NOS1: variants seen among roughly 807,000 people sequenced by gnomAD.
The protein encoded by NOS1 is nitric oxide synthase 1.
Under a neutral mutation model 164.5 loss-of-function variants are expected in NOS1, and 51 were observed. The observed-to-expected ratio is 0.31, with a 90% CI of 0.25 to 0.39. The LOEUF is 0.39. NOS1 is among the 10% of genes least tolerant of loss of function. The pLI is 1.00. For missense variants in NOS1, 1,362 were observed against 1,885.6 expected (o/e 0.72, Z 5.14); for synonymous variants, 719 against 745.8 (o/e 0.96, Z 0.59).
chr12:117,235,164 C>T (rs946708090), intron 20 of NOS1, among the ~76,000 whole-genome samples: 1 of 152,054 alleles, frequency 6.6e-6, no homozygotes, highest in Non-Finnish European at 1.5e-5. Context: ...GCAATCTTCC[C>T]ACCTCGGCCT....
chr12:117,272,728 G>T lies in NOS1; in HGVS notation c.1665-169C>A, dbSNP rs1010356296. On this transcript the variant is annotated intron_variant, in intron 9 of 28. Coordinates refer to ENST00000317775, the MANE Select transcript of NOS1 (RefSeq NM_000620.5). The surrounding 1 kb of genome is among the most constrained non-coding windows in gnomAD (Gnocchi z 4.3). ...GGAATTGCAGGTTCTGCAGCTGGGG[G>T]CCTGAGAATGTGCATTTTTAACGTA... Among the ~76,000 whole-genome samples the T allele has an allele frequency of 6.6e-6, 1 of 152,196 alleles. No homozygotes were observed. The highest frequency in any genetic ancestry group is 1.5e-5 in the Non-Finnish European group (1 of 68,036).
At chr12:117,249,786 G>T (rs1357894365) in intron 17 of NOS1, among the ~76,000 whole-genome samples, 2 of 152,006 alleles carry the variant, frequency 1.3e-5, no homozygotes, top group African/African-American at 4.8e-5. Flanking sequence ...GAAAATGGAG[G>T]GCTGTGTCCT....
intron 6 of NOS1, 146 bp downstream of exon 6, chr12:117,285,958 G>T: frequency 1.2e-6 from 1 of 805,472 alleles, no homozygotes; most frequent in Non-Finnish European, 1.9e-6. Context: ...ATCTTGGAAT[G>T]TGGGACCCCG....
intron 1 of NOS1, among the ~76,000 whole-genome samples, chr12:117,360,851 T>G (rs1382727107): frequency 2.0e-5 from 3 of 152,086 alleles, no homozygotes; most frequent in African/African-American, 7.2e-5. Context: ...TAGCGAGCTG[T>G]GCCAAGGGCT....
chr12:117,341,247 C>T (rs773524041), intron 1 of NOS1, among the ~76,000 whole-genome samples: 18 of 152,110 alleles, frequency 1.2e-4, no homozygotes, highest in Admixed American at 2.6e-4. Flanking sequence ...CCATGGGAGT[C>T]GATGACTGTC....
At chr12:117,339,262 A>G (rs1422836488) in intron 1 of NOS1, among the ~76,000 whole-genome samples, 2 of 152,158 alleles carry the variant, frequency 1.3e-5, no homozygotes, top group East Asian at 3.8e-4. Context: ...CCCCAGTTTC[A>G]TGGCTACAGT....
At chr12:117,260,349 G>T in intron 14 of NOS1, 116 bp downstream of exon 14, 1 of 1,118,590 alleles carries the variant, frequency 8.9e-7, no homozygotes, top group Non-Finnish European at 1.3e-6. Context: ...GATAGGCCCT[G>T]TCAGGTGTGC....
At chr12:117,253,581 A>AT (rs1312382645) in intron 17 of NOS1, 57 bp downstream of exon 17, 1 of 1,205,046 alleles carries the variant, frequency 8.3e-7, no homozygotes, top group Non-Finnish European at 1.2e-6. Context: ...AAGTAGGTCA[A>AT]GCTCCCCAGG....
chr12:117,214,224 T>C lies in NOS1; in HGVS notation c.*1085A>G. On this transcript the variant is annotated 3_prime_UTR_variant, in exon 29 of 29. Coordinates refer to ENST00000317775, the MANE Select transcript of NOS1 (RefSeq NM_000620.5). ...AAAAAATAATAATCATATTGTTACT[T>C]GATATTGTTTCCAGGCACCAAAGCT... 3 of 985,390 alleles carry C rather than the reference T, an allele frequency of 3.0e-6. No homozygotes were observed. Among genetic ancestry groups the C allele is most frequent in the Non-Finnish European group, 3.6e-6 (3 of 829,894 alleles). The allele number at this position is 985,390 out of a possible 1,614,324, so 61.0% of individuals were successfully genotyped here.
chr12:117,239,708 C>CT (rs1870011680), intron 20 of NOS1, among the ~76,000 whole-genome samples: 1 of 148,588 alleles, frequency 6.7e-6, no homozygotes, highest in African/African-American at 2.5e-5. Flanking sequence ...CCTTTTTCTT[C>CT]TTCTTTTTTT....
Position 117,212,367 on chromosome 12 carries a change from C to T in NOS1, c.*2942G>A. 1.0e-6 allele frequency: 1 copy of T among 985,366 alleles called. No individual in the cohort carries two copies. 61.0% of individuals were successfully genotyped at this position (985,366 alleles called of 1,614,324 possible). ...TGCACTCAGGTCGGCTCCCAAAATT[C>T]CATATTGATGGGTCTGAAGTGTCCC... On this transcript the variant is annotated 3_prime_UTR_variant, in exon 29 of 29. Transcript: ENST00000317775.
In NOS1 at chr12:117,333,837, C is replaced by T. The variant is rs193132631; in HGVS notation, c.-420-2348G>A. On this transcript the variant is annotated intron_variant, in intron 1 of 28. Transcript: ENST00000317775. ...CAGGACCGCTGTGCCCTTCTCTCTC[C>T]TTGCTTCCTTAACCCTCCCCAAGCC... is the stretch of plus-strand genomic sequence containing the variant. Among the ~76,000 whole-genome samples the T allele has an allele frequency of 1.2e-3, 187 of 152,328 alleles. 1 individual carries two copies. Among genetic ancestry groups the T allele is most frequent in the Non-Finnish European group, 2.1e-3 (140 of 68,026 alleles).
Position 117,331,436 on chromosome 12 carries a change from G to A in NOS1, c.-367C>T, listed in dbSNP as rs1875543163. The A allele has an allele frequency of 4.6e-6, 1 of 215,260 alleles. No homozygotes were observed. Among genetic ancestry groups the A allele is most frequent in the South Asian group, 1.2e-4 (1 of 8,548 alleles). The allele number at this position is 215,260 out of a possible 1,614,324, so 13.3% of individuals were successfully genotyped here. A position where few individuals can be genotyped will look rare whatever the true frequency, so the allele number is the denominator to read the frequency against. ...GCATGATAGATGTGAACTATTCTCT[G>A]GGTATCTTCATTGCCAGCCTGTTAG... is the stretch of plus-strand genomic sequence containing the variant. On this transcript the variant is annotated 5_prime_UTR_variant, in exon 2 of 29. Coordinates refer to ENST00000317775, the MANE Select transcript of NOS1 (RefSeq NM_000620.5).
chr12:117,210,149 T>A lies in NOS1; in HGVS notation c.*5160A>T. ...CATCATGCCCAGCTAATTTTTTTTT[T>A]TTTTTTTTTTTAGTAGAGACGAGAT... On this transcript the variant is annotated 3_prime_UTR_variant, in exon 29 of 29. Transcript: ENST00000317775. The A allele has an allele frequency of 7.4e-6, 4 of 538,816 alleles. No homozygotes were observed. The highest frequency in any genetic ancestry group is 9.5e-6 in the Non-Finnish European group (4 of 421,544). 33.4% of individuals were successfully genotyped at this position (538,816 alleles called of 1,614,324 possible).
chr12:117,265,307 G>C lies in NOS1; in HGVS notation c.2136+9C>G. ...CTTAATATGAAAAGAGGCAGGGACAGGGAAGGACCTGGTATTCGAAGGAGG... is the reference window on the plus strand; with the variant it reads ...CTTAATATGAAAAGAGGCAGGGACACGGAAGGACCTGGTATTCGAAGGAGG... On this transcript the variant is annotated intron_variant, in intron 12 of 28. Coordinates refer to ENST00000317775, the MANE Select transcript of NOS1 (RefSeq NM_000620.5). The C allele has an allele frequency of 6.5e-7, 1 of 1,536,222 alleles. No homozygotes were observed.
At position 117,278,024 on chromosome 12, in the gene NOS1, G is replaced by A; in HGVS notation, c.1599C>T (p.Gly533=). 6.2e-7 allele frequency: 1 copy of A among 1,614,110 alleles called. No individual in the cohort carries two copies. The highest frequency in any genetic ancestry group is 1.3e-5 in the African/African-American group (1 of 75,048). ...GAATCTGGAAGAGCTCAGGGTCATT[G>A]CCGTTGGCCTGAAGCAGGAGCGGCA... The part of the protein sequence containing the change: ...DVLPLLLQAN[G]NDPELFQIPP... The change falls in exon 9 of 29, where the codon GGC becomes GGT. Residue 533 remains glycine (G), a synonymous_variant. Transcript: ENST00000317775.
At chr12:117,265,574 GC>G in intron 11 of NOS1, 64 bp from the exon 12 acceptor site, 1 of 1,243,246 alleles carries the variant, frequency 8.0e-7, no homozygotes, top group Non-Finnish European at 1.1e-6. Flanking sequence ...GGGACTCCCT[GC>G]CCCAAAGAGC....
chr12:117,210,044 C>G lies in NOS1; in HGVS notation c.*5265G>C. Reference sequence around the variant, plus strand: ...CTGGAGTGCAGTGGTGCGATCCTAGCTCACTGTCGCCTCAAACTCCTGGGA... The same window carrying G: ...CTGGAGTGCAGTGGTGCGATCCTAGGTCACTGTCGCCTCAAACTCCTGGGA... On this transcript the variant is annotated 3_prime_UTR_variant, in exon 29 of 29. Coordinates refer to ENST00000317775, the MANE Select transcript of NOS1 (RefSeq NM_000620.5). 1 of 923,578 alleles carries G rather than the reference C, an allele frequency of 1.1e-6. No individual in the cohort carries two copies. Among genetic ancestry groups the G allele is most frequent in the Non-Finnish European group, 1.3e-6 (1 of 773,504 alleles). 57.2% of individuals were successfully genotyped at this position (923,578 alleles called of 1,614,324 possible).
rs1876838801 is a variant in NOS1, at chr12:117,356,023, A to T, written c.-421+5489T>A. Among the ~76,000 whole-genome samples the T allele has an allele frequency of 6.6e-6, 1 of 152,212 alleles. No homozygotes were observed. Reference sequence around the variant, plus strand: ...TGCCTCAGTCTCCCAAAGTGTTGGGATTACAGGCGTGAGCCACTGTGTCTG... The same window carrying T: ...TGCCTCAGTCTCCCAAAGTGTTGGGTTTACAGGCGTGAGCCACTGTGTCTG... On this transcript the variant is annotated intron_variant, in intron 1 of 28. Coordinates refer to ENST00000317775, the MANE Select transcript of NOS1 (RefSeq NM_000620.5). The surrounding 1 kb of genome is among the most constrained non-coding windows in gnomAD (Gnocchi z 4.2).
Sources: allele counts gnomAD v4.1 joint callset (sites outside exome capture counted in the v4.1 genomes callset), GRCh38; gene constraint gnomAD v4.1.1; non-coding constraint Gnocchi (gnomAD v3.1); transcripts MANE v1.5; gene names NCBI Gene and HGNC (gene_info 2026-07-23, HGNC 2026-07-21).